The following ADAMTS3 variants were observed in gnomAD, a reference collection of about 807,000 sequenced individuals.
The protein encoded by ADAMTS3 is A disintegrin and metalloproteinase with thrombospondin motifs 3.
ADAMTS3 carries 73 observed loss-of-function variants against 129.0 expected under a neutral mutation model. The ratio of observed to expected loss-of-function variants is 0.57; its 90% CI spans 0.47 to 0.69. The LOEUF is 0.69. Ranked by LOEUF, ADAMTS3 falls within the 30% of genes least tolerant of loss-of-function variation. The pLI, the probability that ADAMTS3 is intolerant of heterozygous loss-of-function variation, is 0.00. For synonymous variants in ADAMTS3, 477 were observed against 510.8 expected (o/e 0.93, Z 0.89); for missense variants, 1,457 against 1,514.5 (o/e 0.96, Z 0.63).
At chr4:72,403,782 CAT>C (rs550419829) in intron 4 of ADAMTS3, among the ~76,000 whole-genome samples, 104 of 152,160 alleles carry the variant, frequency 6.8e-4, no homozygotes, top group African/African-American at 2.4e-3. Context: ...CCCTTGAACA[CAT>C]AGGGTTTCTG....
chr4:72,301,929 T>A (rs542739417), intron 17 of ADAMTS3, among the ~76,000 whole-genome samples: 1 of 152,068 alleles, frequency 6.6e-6, no homozygotes, highest in East Asian at 1.9e-4. Flanking sequence ...CTGTGTATGC[T>A]CAAGCCAAGA....
At chr4:72,357,580 T>C (rs1290177360) in intron 4 of ADAMTS3, among the ~76,000 whole-genome samples, 1 of 151,902 alleles carries the variant, frequency 6.6e-6, no homozygotes, top group Non-Finnish European at 1.5e-5. Context: ...TGTGTGAATG[T>C]GTATGTGTGT....
At chr4:72,341,216 T>C (rs1233949527) in intron 4 of ADAMTS3, among the ~76,000 whole-genome samples, 2 of 152,132 alleles carry the variant, frequency 1.3e-5, no homozygotes, top group Admixed American at 1.3e-4. Flanking sequence ...AAAAAATATA[T>C]AGAAACACCA....
chr4:72,541,819 T>C (rs1721334523), intron 3 of ADAMTS3, among the ~76,000 whole-genome samples: 1 of 152,212 alleles, frequency 6.6e-6, no homozygotes, highest in African/African-American at 2.4e-5. Context: ...TGTGGAACTG[T>C]GAGTCCATTA....
At chr4:72,487,977 G>A (rs954549246) in intron 3 of ADAMTS3, among the ~76,000 whole-genome samples, 10 of 151,858 alleles carry the variant, frequency 6.6e-5, no homozygotes, top group African/African-American at 2.4e-4. Context: ...TGTTTGAAAT[G>A]GAGAAAGAAA....
intron 3 of ADAMTS3, among the ~76,000 whole-genome samples, chr4:72,490,805 G>C (rs1719720326): frequency 6.6e-6 from 1 of 151,680 alleles, no homozygotes; most frequent in Non-Finnish European, 1.5e-5. Flanking sequence ...AAGTTTCTTT[G>C]GCTACTCAGG....
intron 3 of ADAMTS3, among the ~76,000 whole-genome samples, chr4:72,532,280 G>C (rs1578770894): frequency 1.3e-5 from 2 of 152,070 alleles, no homozygotes; most frequent in Non-Finnish European, 2.9e-5. Flanking sequence ...CCCTCCAGGA[G>C]ATCCTGATGC....
intron 3 of ADAMTS3, among the ~76,000 whole-genome samples, chr4:72,452,955 G>C (rs1405208740): frequency 2.0e-5 from 3 of 151,760 alleles, no homozygotes; most frequent in Non-Finnish European, 2.9e-5. Flanking sequence ...AAATGCAGCA[G>C]TAGGGGTAGG....
rs1717957028 is a variant in ADAMTS3, at chr4:72,437,057, T to C, written c.505-22086A>G. ...AAATGTTGAATGAATGGGTGAACTT[T>C]ATCAAATGTTGAGTTTGCTCAAACT... On this transcript the variant is annotated intron_variant, in intron 3 of 21. Transcript: ENST00000286657. 2.0e-5 allele frequency among the ~76,000 whole-genome samples: 3 copies of C among 151,820 alleles called. No individual in the cohort carries two copies. In the South Asian group the frequency reaches 6.2e-4, roughly 31 times the overall value.
chr4:72,353,939 A>G (rs1297515150), intron 4 of ADAMTS3, among the ~76,000 whole-genome samples: 4 of 151,788 alleles, frequency 2.6e-5, no homozygotes, highest in African/African-American at 7.3e-5. Context: ...TTTTTCTCCT[A>G]CATCCCTCAG....
chr4:72,545,781 G>A (rs1385775501), intron 3 of ADAMTS3, among the ~76,000 whole-genome samples: 2 of 152,238 alleles, frequency 1.3e-5, no homozygotes, highest in South Asian at 2.1e-4. Context: ...TTCAGACATC[G>A]AGTTCTCTCA....
intron 3 of ADAMTS3, among the ~76,000 whole-genome samples, chr4:72,436,702 T>C (rs1044376272): frequency 2.6e-5 from 4 of 152,172 alleles, no homozygotes; most frequent in African/African-American, 9.6e-5. Context: ...TCATGTCCTT[T>C]ATAGGGACAT....
At chr4:72,530,715 TA>T (rs1721007602) in intron 3 of ADAMTS3, among the ~76,000 whole-genome samples, 1 of 93,470 alleles carries the variant, frequency 1.1e-5, no homozygotes, top group African/African-American at 4.5e-5. Context: ...ATATATTATA[TA>T]TAATATTATA....
chr4:72,508,804 C>T (rs901454112), intron 3 of ADAMTS3, among the ~76,000 whole-genome samples: 2 of 151,988 alleles, frequency 1.3e-5, no homozygotes, highest in Non-Finnish European at 2.9e-5. Flanking sequence ...TAAATATTTA[C>T]AGAACATTTC....
At chr4:72,401,594 GA>G (rs75623574) in intron 4 of ADAMTS3, among the ~76,000 whole-genome samples, 21,351 of 117,566 alleles carry the variant, frequency 0.18, 2,127 homozygotes, top group South Asian at 0.39. Context: ...AAAAAGAAAA[GA>G]AAAAAAAAGA....
At chr4:72,305,542 T>C (rs1177319337) in intron 16 of ADAMTS3, among the ~76,000 whole-genome samples, 1 of 151,974 alleles carries the variant, frequency 6.6e-6, no homozygotes, top group Non-Finnish European at 1.5e-5. Context: ...ATAAGAAATA[T>C]AAGCTTGTCA....
chr4:72,426,626 C>T (rs1722580224), intron 3 of ADAMTS3, among the ~76,000 whole-genome samples: 1 of 152,108 alleles, frequency 6.6e-6, no homozygotes, highest in South Asian at 2.1e-4. Context: ...GTGCTTCATG[C>T]CTATAATCCC....
At chr4:72,320,398 C>T (rs1465097651) in intron 7 of ADAMTS3, among the ~76,000 whole-genome samples, 6 of 152,164 alleles carry the variant, frequency 3.9e-5, no homozygotes, top group African/African-American at 1.4e-4. Flanking sequence ...TGGCAGCAGT[C>T]ATTTCTCATG....
chr4:72,320,869 G>T lies in ADAMTS3; in HGVS notation c.947C>A (p.Ser316Tyr). The T allele has an allele frequency of 1.2e-6, 2 of 1,613,288 alleles. No individual in the cohort carries two copies. The highest frequency in any genetic ancestry group is 1.7e-6 in the Non-Finnish European group (2 of 1,179,706). The change falls in exon 7 of 22, where the codon TCC (serine) becomes TAC (tyrosine). Residue 316 changes from serine to tyrosine, a missense_variant and splice_region_variant. Coordinates refer to ENST00000286657, the MANE Select transcript of ADAMTS3 (RefSeq NM_014243.3). The stretch of plus-strand genomic sequence containing the variant: ...GTTTCCCCTTTCTATGAGGCTGATG[G>T]ACTAAGTGAAAACAATATGTTAAAG... ...VRMIMLGYAK[S>Y]ISLIERGNPS...
Sources: allele counts gnomAD v4.1 joint callset (sites outside exome capture counted in the v4.1 genomes callset), GRCh38; gene constraint gnomAD v4.1.1; transcripts MANE v1.5; gene names NCBI Gene and HGNC (gene_info 2026-07-23, HGNC 2026-07-21).